The following TCERG1L variants were observed in gnomAD, a reference collection of about 807,000 sequenced individuals.
TCERG1L encodes the protein transcription elongation regulator 1-like protein.
A neutral mutation model predicts 56.3 loss-of-function variants in TCERG1L; 37 were observed. The ratio of observed to expected loss-of-function variants is 0.66; its 90% confidence interval spans 0.51 to 0.87. The LOEUF (loss-of-function observed/expected upper bound fraction) is 0.87. TCERG1L is among the 40% of genes least tolerant of loss of function. TCERG1L has a pLI of 0.00. For missense variants in TCERG1L, 799 were observed against 774.2 expected (o/e 1.03, Z -0.38); for synonymous variants, 324 against 326.3 (o/e 0.99, Z 0.08).
rs1410144510 is a variant in TCERG1L, at chr10:131,311,459, G to A, written c.177C>T (p.Pro59=). 4 of 1,181,128 alleles carry A rather than the reference G, an allele frequency of 3.4e-6. No homozygotes were observed. Among genetic ancestry groups the A allele is most frequent in the Non-Finnish European group, 3.1e-6 (3 of 957,138 alleles). The allele number at this position is 1,181,128 out of a possible 1,614,324, so 73.2% of individuals were successfully genotyped here. Residue 59 remains proline, a synonymous_variant, in exon 1 of 12, where the codon CCC becomes CCT. Coordinates refer to ENST00000368642, the MANE Select transcript of TCERG1L (RefSeq NM_174937.4). This position sits in a 1 kb window ranked among gnomAD's most constrained non-coding sequence, Gnocchi z 4.0. ...LLRLSAGVVV[P]PVLLASAPPP... is the part of the protein sequence containing the mutation. ...GCGGGGCCGAGGCGAGCAGCACCGG[G>A]GGAACCACGACCCCCGCGCTGAGCC...
intron 1 of TCERG1L, 52 bp from the exon 2 acceptor site, chr10:131,309,351 G>A (rs373571544): frequency 2.6e-5 from 41 of 1,549,500 alleles, no homozygotes; most frequent in Non-Finnish European, 3.4e-5. Context: ...CCATCCACTC[G>A]ACTTCATGCC....
chr10:131,219,189 GC>G (rs1845704413), intron 4 of TCERG1L, among the ~76,000 whole-genome samples: 1 of 152,122 alleles, frequency 6.6e-6, no homozygotes, highest in Non-Finnish European at 1.5e-5. Flanking sequence ...GGCTGCCATC[GC>G]CCTTGCCCCC....
chr10:131,278,252 C>T (rs1263647563), intron 3 of TCERG1L, among the ~76,000 whole-genome samples: 3 of 151,960 alleles, frequency 2.0e-5, no homozygotes, highest in African/African-American at 2.4e-5. Flanking sequence ...AATGGGGCAG[C>T]GATGCTTCTA....
At chr10:131,280,327 A>T (rs1846437413) in intron 3 of TCERG1L, among the ~76,000 whole-genome samples, 2 of 151,804 alleles carry the variant, frequency 1.3e-5, no homozygotes, top group South Asian at 4.2e-4. Flanking sequence ...AGCCATTCCC[A>T]GCTTGACTTT....
At chr10:131,308,422 A>T in intron 2 of TCERG1L, 31 bp from the exon 3 acceptor site, 1 of 1,589,676 alleles carries the variant, frequency 6.3e-7, no homozygotes. Flanking sequence ...CATAACACTG[A>T]AGGCAAGGTG....
intron 8 of TCERG1L, among the ~76,000 whole-genome samples, chr10:131,130,256 C>A (rs1845604054): frequency 6.6e-6 from 1 of 152,132 alleles, no homozygotes; most frequent in Non-Finnish European, 1.5e-5. Flanking sequence ...TAGTCACTAT[C>A]ATGAGAACAG....
rs532350769 is a variant in TCERG1L at position 131,159,798 on chromosome 10, T to C, written c.1034+3324A>G. On this transcript the variant is annotated intron_variant, in intron 6 of 11. Transcript: ENST00000368642. ...TGCTGCCATTAGTGAGGATGTCACA[T>C]CACGAGGCACACAAAGCCCTCCTTG... is the stretch of plus-strand genomic sequence containing the variant. Among the ~76,000 whole-genome samples, 4 of 152,090 alleles carry C rather than the reference T, an allele frequency of 2.6e-5. No individual in the cohort carries two copies. The South Asian group carries it at 6.2e-4, about 24-fold the overall frequency.
At chr10:131,310,063 A>T (rs1391381644) in intron 1 of TCERG1L, among the ~76,000 whole-genome samples, 1 of 152,188 alleles carries the variant, frequency 6.6e-6, no homozygotes, top group Admixed American at 6.5e-5. Flanking sequence ...TTCCTGTTAC[A>T]TGAAAATGTT....
chr10:131,095,412 G>C (rs1015649666), intron 11 of TCERG1L: 17 of 152,416 alleles, frequency 1.1e-4, no homozygotes, highest in African/African-American at 3.8e-4. Flanking sequence ...AGGCTGAGAC[G>C]GGCGACCAGG....
intron 1 of TCERG1L, among the ~76,000 whole-genome samples, chr10:131,309,851 A>C (rs1203747846): frequency 3.3e-5 from 5 of 150,100 alleles, no homozygotes; most frequent in Admixed American, 2.6e-4. Flanking sequence ...AAAAAAAAAA[A>C]AAAAAAAACT....
chr10:131,166,328 G>A (rs1227008271), intron 5 of TCERG1L, among the ~76,000 whole-genome samples: 2 of 152,250 alleles, frequency 1.3e-5, no homozygotes, highest in Admixed American at 6.5e-5. Context: ...GGACTCCCTT[G>A]GGTTATTGAG....
At chr10:131,221,965 G>C (rs891349458) in intron 4 of TCERG1L, among the ~76,000 whole-genome samples, 1 of 152,190 alleles carries the variant, frequency 6.6e-6, no homozygotes, top group Non-Finnish European at 1.5e-5. Flanking sequence ...TCTCATTTTC[G>C]CTTGTTTACT....
At chr10:131,270,264 A>G (rs1846327128) in intron 3 of TCERG1L, among the ~76,000 whole-genome samples, 1 of 152,374 alleles carries the variant, frequency 6.6e-6, no homozygotes, top group East Asian at 1.9e-4. Context: ...AAAGCCAGCC[A>G]GAGCCTGGGG....
chr10:131,220,016 A>G (rs1845713280), intron 4 of TCERG1L, among the ~76,000 whole-genome samples: 1 of 152,054 alleles, frequency 6.6e-6, no homozygotes, highest in Admixed American at 6.6e-5. Flanking sequence ...CCCAACAACA[A>G]AAGAGCCAGC....
intron 6 of TCERG1L, among the ~76,000 whole-genome samples, chr10:131,151,393 T>C (rs1389849539): frequency 7.3e-6 from 1 of 137,190 alleles, no homozygotes; most frequent in Non-Finnish European, 1.6e-5. Flanking sequence ...AAAGAGGCTA[T>C]AGGCCCCATG....
chr10:131,284,102 G>A (rs558823977), intron 3 of TCERG1L, among the ~76,000 whole-genome samples: 9 of 140,228 alleles, frequency 6.4e-5, no homozygotes, highest in Non-Finnish European at 7.5e-5. Flanking sequence ...CTCCAGCCTA[G>A]GCGACAGAAC....
At chr10:131,241,636 G>A (rs549925319) in intron 4 of TCERG1L, among the ~76,000 whole-genome samples, 16 of 149,494 alleles carry the variant, frequency 1.1e-4, no homozygotes, top group South Asian at 2.1e-4. Flanking sequence ...AGTGGATAGC[G>A]CAATATAAAA....
chr10:131,181,005 T>A (rs1845169488), intron 4 of TCERG1L, among the ~76,000 whole-genome samples: 1 of 152,224 alleles, frequency 6.6e-6, no homozygotes, highest in African/African-American at 2.4e-5. Flanking sequence ...GAGAAGCCCC[T>A]GCTGCCTCCA....
chr10:131,198,669 T>A (rs565331149), intron 4 of TCERG1L, among the ~76,000 whole-genome samples: 1 of 152,302 alleles, frequency 6.6e-6, no homozygotes, highest in South Asian at 2.1e-4. Context: ...CCTGTGGCCC[T>A]CCCAGGCTGA....
Sources: gnomAD v4.1 joint callset for allele counts (sites outside exome capture counted in the v4.1 genomes callset) on GRCh38, gnomAD v4.1.1 for gene constraint, Gnocchi (gnomAD v3.1) non-coding constraint, MANE v1.5 for transcripts, NCBI Gene and HGNC (gene_info 2026-07-23, HGNC 2026-07-21) for gene names.